The following SLC5A1 variants were observed in gnomAD, a reference collection of about 807,000 sequenced individuals.
The protein encoded by SLC5A1 is solute carrier family 5 member 1, also known as sodium/glucose cotransporter 1.
SLC5A1 carries 42 observed loss-of-function variants against 73.5 expected under a neutral mutation model. That is an observed-to-expected ratio of 0.57 (90% CI 0.45 to 0.74). The LOEUF (loss-of-function observed/expected upper bound fraction) is 0.74, where lower values mean the gene tolerates loss of function less well. Among genes scored for constraint, SLC5A1 ranks in the 30% least tolerant of loss-of-function variants. The pLI, the probability that SLC5A1 is intolerant of heterozygous loss-of-function variation, is 0.00. For missense variants in SLC5A1, 634 were observed against 855.4 expected (o/e 0.74, Z 3.23); for synonymous variants, 300 against 317.4 (o/e 0.95, Z 0.58).
chr22:32,044,368 C>T (rs747331584), intron 1 of SLC5A1, among the ~76,000 whole-genome samples: 2 of 152,090 alleles, frequency 1.3e-5, no homozygotes, highest in Non-Finnish European at 2.9e-5. Context: ...CAGCCATTCT[C>T]GTGATTGTTA....
chr22:32,107,600 G>A (rs1268596052), intron 14 of SLC5A1, among the ~76,000 whole-genome samples: 1 of 152,112 alleles, frequency 6.6e-6, no homozygotes, highest in Non-Finnish European at 1.5e-5. Flanking sequence ...TGCTTTGAAG[G>A]AAGAGTTTCT....
At position 32,111,853 on chromosome 22, in the gene SLC5A1, C is replaced by T. The variant is rs899822516; in HGVS notation, c.*1640C>T. ...TTTTGAGTGCAGGTTCATTCAAGGA[C>T]CAGGTTCCCTTGTGCTCAGGGTGAA... On this transcript the variant is annotated 3_prime_UTR_variant, in exon 15 of 15. Coordinates refer to ENST00000266088, the MANE Select transcript of SLC5A1 (RefSeq NM_000343.4). 3 of 152,162 alleles carry T rather than the reference C, an allele frequency of 2.0e-5. No individual in the cohort carries two copies. Among genetic ancestry groups the T allele is most frequent in the African/African-American group, 7.2e-5 (3 of 41,436 alleles). The allele number at this position is 152,162 out of a possible 1,614,324, so 9.4% of individuals were successfully genotyped here.
intron 5 of SLC5A1, among the ~76,000 whole-genome samples, chr22:32,079,635 G>A (rs1264577220): frequency 6.6e-6 from 1 of 152,154 alleles, no homozygotes; most frequent in African/African-American, 2.4e-5. Context: ...GGCAGTGTCA[G>A]CTTTGTAATC....
rs1189877946 is a variant in SLC5A1 at position 32,099,246 on chromosome 22, A to C, written c.1344A>C (p.Gln448His). ...GGGTGCCCATTGTGCAGTCAGCACA[A>C]AGTGGGCAACTCTTCGATTACATCC... Reference protein sequence around the residue: ...IAWVPIVQSAQSGQLFDYIQS... With the variant: ...IAWVPIVQSAHSGQLFDYIQS... Residue 448 changes from glutamine to histidine, a missense_variant, in exon 12 of 15, where the codon CAA (glutamine) becomes CAC (histidine). Gln to His is a conservative substitution (Grantham distance 24). This residue lies in a region of SLC5A1 where 422 missense variants were observed against 626.1 expected (regional missense o/e 0.67). Coordinates refer to ENST00000266088, the MANE Select transcript of SLC5A1 (RefSeq NM_000343.4). 1.2e-6 allele frequency: 2 copies of C among 1,613,298 alleles called. No homozygotes were observed. The highest frequency in any genetic ancestry group is 1.7e-6 in the Non-Finnish European group (2 of 1,179,732).
chr22:32,093,686 A>G (rs1279343843), intron 11 of SLC5A1, among the ~76,000 whole-genome samples: 2 of 151,648 alleles, frequency 1.3e-5, no homozygotes, highest in African/African-American at 4.8e-5. Flanking sequence ...TGTGTACATT[A>G]ATTTTGGGTC....
intron 11 of SLC5A1, among the ~76,000 whole-genome samples, chr22:32,093,160 C>T (rs1441993447): frequency 6.6e-6 from 1 of 152,100 alleles, no homozygotes; most frequent in Non-Finnish European, 1.5e-5. Flanking sequence ...TCATTAGTCT[C>T]TGTGCCTATT....
In SLC5A1 at chr22:32,081,974, G is replaced by A. The variant is rs377350650; in HGVS notation, c.583+3G>A. On this transcript the variant is annotated splice_donor_region_variant and intron_variant, in intron 6 of 14. Transcript: ENST00000266088. ...CACTGCCCTTTACACAATTACAGGT[G>A]AGTCCATTCAAATAAACCAGCACCT... is the stretch of plus-strand genomic sequence containing the variant. The A allele has an allele frequency of 2.5e-6, 4 of 1,589,544 alleles. No homozygotes were observed. The highest frequency in any genetic ancestry group is 8.6e-7 in the Non-Finnish European group (1 of 1,157,662).
At chr22:32,073,841 G>T (rs530404482) in intron 5 of SLC5A1, among the ~76,000 whole-genome samples, 39 of 152,180 alleles carry the variant, frequency 2.6e-4, no homozygotes, top group Non-Finnish European at 5.0e-4. Flanking sequence ...TTACAGGTGT[G>T]AGCCACTGCG....
intron 13 of SLC5A1, among the ~76,000 whole-genome samples, chr22:32,103,712 T>C (rs1603144576): frequency 2.0e-5 from 3 of 152,210 alleles, no homozygotes; most frequent in East Asian, 3.8e-4. Flanking sequence ...ACCCAAAATA[T>C]AGTTTGCCTC....
chr22:32,102,681 A>ATTT (rs1349641622), intron 13 of SLC5A1, among the ~76,000 whole-genome samples: 1 of 152,104 alleles, frequency 6.6e-6, no homozygotes, highest in East Asian at 1.9e-4. Context: ...TTCTAATTGT[A>ATTT]TTTTTGTACC....
At chr22:32,046,405 T>C (rs1350765872) in intron 1 of SLC5A1, among the ~76,000 whole-genome samples, 2 of 151,464 alleles carry the variant, frequency 1.3e-5, no homozygotes, top group East Asian at 3.9e-4. Context: ...TTTCTTTAGA[T>C]CATTTGACAA....
At chr22:32,096,351 T>A (rs1173045559) in intron 11 of SLC5A1, among the ~76,000 whole-genome samples, 2 of 152,192 alleles carry the variant, frequency 1.3e-5, no homozygotes, top group Non-Finnish European at 2.9e-5. Context: ...GTCTGGACAG[T>A]GGCAGAGACA....
At chr22:32,077,987 T>G (rs571798605) in intron 5 of SLC5A1, among the ~76,000 whole-genome samples, 1 of 152,344 alleles carries the variant, frequency 6.6e-6, no homozygotes, top group East Asian at 1.9e-4. Flanking sequence ...TTTTCATATT[T>G]TGGCCTTGCT....
Position 32,112,570 on chromosome 22 carries a change from T to G in SLC5A1, c.*2357T>G, listed in dbSNP as rs1379114052. ...GAGAACCAGTGTGGGTGGGGAGTTG[T>G]GCATATAAACTATTTAATGAGTACC... On this transcript the variant is annotated 3_prime_UTR_variant, in exon 15 of 15. Transcript: ENST00000266088. 8 of 152,224 alleles carry G rather than the reference T, an allele frequency of 5.3e-5. No homozygotes were observed. The highest frequency in any genetic ancestry group is 1.0e-4 in the Non-Finnish European group (7 of 68,054). 9.4% of individuals were successfully genotyped at this position (152,224 alleles called of 1,614,324 possible). A position where few individuals can be genotyped will look rare whatever the true frequency, so the allele number is the denominator to read the frequency against.
intron 11 of SLC5A1, among the ~76,000 whole-genome samples, chr22:32,095,789 T>C (rs2094025346): frequency 6.6e-6 from 1 of 152,228 alleles, no homozygotes; most frequent in African/African-American, 2.4e-5. Flanking sequence ...ACTTGATTGA[T>C]AAATTCTTAT....
intron 5 of SLC5A1, among the ~76,000 whole-genome samples, chr22:32,079,891 G>C (rs73391051): frequency 0.045 from 6,841 of 152,212 alleles, 208 homozygotes; most frequent in Non-Finnish European, 0.07. Flanking sequence ...CAGCAGAGGC[G>C]CCTTCCTCCT....
chr22:32,062,658 G>A (rs1470752980), intron 2 of SLC5A1, among the ~76,000 whole-genome samples: 3 of 152,182 alleles, frequency 2.0e-5, no homozygotes, highest in African/African-American at 7.2e-5. Context: ...AGAAGGACGT[G>A]ATGATTGACG....
At chr22:32,062,722 C>G (rs971190733) in intron 2 of SLC5A1, among the ~76,000 whole-genome samples, 2 of 152,096 alleles carry the variant, frequency 1.3e-5, no homozygotes, top group African/African-American at 4.8e-5. Context: ...TGGGCATGAG[C>G]ATGGATGAGG....
At chr22:32,048,026 C>T (rs979397708) in intron 1 of SLC5A1, among the ~76,000 whole-genome samples, 22 of 151,914 alleles carry the variant, frequency 1.4e-4, no homozygotes, top group African/African-American at 5.3e-4. Context: ...GTGGTGTGTG[C>T]CTGTACTCCC....
Sources: gnomAD v4.1 joint callset for allele counts (sites outside exome capture counted in the v4.1 genomes callset) on GRCh38, gnomAD v4.1.1 for gene constraint, gnomAD v4.1.1 regional missense constraint, MANE v1.5 for transcripts, NCBI Gene and HGNC (gene_info 2026-07-23, HGNC 2026-07-21) for gene names.